Variants in SORBS2 observed in about 807,000 individuals in gnomAD.
The protein encoded by SORBS2 is sorbin and SH3 domain containing 2.
In SORBS2, 46 loss-of-function variants were observed where a neutral mutation model predicts 97.7. The observed-to-expected ratio is 0.47, with a 90% CI of 0.37 to 0.60. The LOEUF (loss-of-function observed/expected upper bound fraction) is 0.60. Ranked by LOEUF, SORBS2 falls within the 20% of genes least tolerant of loss-of-function variation. SORBS2 has a pLI of 0.00. For missense variants in SORBS2, 1,316 were observed against 1,282.3 expected (o/e 1.03, Z -0.40); for synonymous variants, 476 against 473.4 (o/e 1.01, Z -0.07).
chr4:185,794,266 A>G (rs182180974), intron 1 of SORBS2, among the ~76,000 whole-genome samples: 90 of 152,162 alleles, frequency 5.9e-4, no homozygotes, highest in African/African-American at 1.8e-3. Context: ...AGAGATGGAG[A>G]AGGAGGAGGA....
chr4:185,618,427 T>G (rs998894913), intron 9 of SORBS2, among the ~76,000 whole-genome samples, 158 bp downstream of exon 21: 5 of 152,252 alleles, frequency 3.3e-5, no homozygotes, highest in African/African-American at 1.2e-4. Flanking sequence ...AAACTTAAAA[T>G]AAAAGGTAAT....
intron 2 of SORBS2, among the ~76,000 whole-genome samples, chr4:185,757,955 T>C (rs1031696799): frequency 6.6e-6 from 1 of 152,204 alleles, no homozygotes; most frequent in Non-Finnish European, 1.5e-5. Flanking sequence ...CTGATGGAAT[T>C]GAGTGTAAGA....
At chr4:185,728,764 C>T (rs1171549476) in intron 2 of SORBS2, among the ~76,000 whole-genome samples, 3 of 152,134 alleles carry the variant, frequency 2.0e-5, no homozygotes, top group African/African-American at 7.2e-5. Context: ...ATTAAATCGC[C>T]CATTTAGTGT....
chr4:185,774,199 C>CG (rs1208667255), intron 2 of SORBS2: 2 of 152,284 alleles, frequency 1.3e-5, no homozygotes, highest in East Asian at 3.9e-4. Context: ...GCAGCCAGCG[C>CG]GGGGCTCTGT....
intron 1 of SORBS2, among the ~76,000 whole-genome samples, chr4:185,896,412 C>A (rs1363550841): frequency 6.6e-6 from 1 of 152,030 alleles, no homozygotes; most frequent in Non-Finnish European, 1.5e-5. Context: ...GGTGAAACCC[C>A]GTCTCTACTA....
chr4:185,677,298 G>T (rs911150489), intron 4 of SORBS2: 2 of 1,552,094 alleles, frequency 1.3e-6, no homozygotes, highest in African/African-American at 2.7e-5. Context: ...TTTCAAGGTA[G>T]AAATCCTCCG....
At chr4:185,839,434 T>G (rs895713977) in intron 1 of SORBS2, among the ~76,000 whole-genome samples, 4 of 152,202 alleles carry the variant, frequency 2.6e-5, no homozygotes, top group Non-Finnish European at 2.9e-5. Context: ...ACAATGACCC[T>G]GGCCCCAGGG....
intron 1 of SORBS2, among the ~76,000 whole-genome samples, chr4:185,814,280 C>T (rs967423654): frequency 6.6e-6 from 1 of 151,892 alleles, no homozygotes; most frequent in African/African-American, 2.4e-5. Flanking sequence ...ACCTTTATTC[C>T]CAGCACTTTG....
intron 2 of SORBS2, among the ~76,000 whole-genome samples, chr4:185,726,906 G>T (rs887104486): frequency 2.0e-5 from 3 of 152,126 alleles, no homozygotes; most frequent in African/African-American, 4.8e-5. Flanking sequence ...CTTTAAATAG[G>T]AGACACATTT....
intron 1 of SORBS2, among the ~76,000 whole-genome samples, chr4:185,909,878 G>T (rs547389579): frequency 6.6e-6 from 1 of 151,726 alleles, no homozygotes; most frequent in African/African-American, 2.4e-5. Flanking sequence ...CAGCTACTCA[G>T]GAGGATGAGG....
In SORBS2 at chr4:185,665,836, C is replaced by G. The variant is rs1013232157; in HGVS notation, c.-45-3594G>C. On this transcript the variant is annotated intron_variant, in intron 4 of 20. Transcript: ENST00000284776. ...AGAACGGCCAGTGGTGTCAGAGTCA[C>G]CAATCTGCAGCTCCTCCAGCATGGC... 9.6e-6 allele frequency: 11 copies of G among 1,149,614 alleles called. No individual in the cohort carries two copies. In the South Asian group the frequency reaches 1.8e-4, roughly 19 times the overall value. 71.2% of individuals were successfully genotyped at this position (1,149,614 alleles called of 1,614,324 possible).
rs544211866 is a variant in SORBS2, at chr4:185,731,866, CTATA to C, written c.-198+43357_-198+43360del. On this transcript the variant is annotated intron_variant, in intron 2 of 20. Coordinates refer to the SORBS2 transcript ENST00000284776. ...TCTCTCTCTCTCTCTCTCTCTCTCT[CTATA>C]TATATATATATATATATATATATAT... 8.0e-3 allele frequency among the ~76,000 whole-genome samples: 196 copies of C among 24,560 alleles called. 1 individual carries two copies. The highest frequency in any genetic ancestry group is 0.011 in the Admixed American group (17 of 1,484). 16.1% of individuals were successfully genotyped at this position (24,560 alleles called of 152,430 possible). A position where few individuals can be genotyped will look rare whatever the true frequency, so the allele number is the denominator to read the frequency against.
rs1483970990 is a variant in SORBS2 at position 185,820,285 on chromosome 4, G to A, written c.-337-44919C>T. 2.6e-5 allele frequency among the ~76,000 whole-genome samples: 4 copies of A among 152,226 alleles called. No individual in the cohort carries two copies. The East Asian group carries it at 7.7e-4, about 29-fold the overall frequency. On this transcript the variant is annotated intron_variant, in intron 1 of 20. Transcript: ENST00000284776. ...TCGCAGGCTCCCTGCAACCTCACCT[G>A]GACAGCGCGGCGCTGTGTGAACAGC... is the stretch of plus-strand genomic sequence containing the variant.
At chr4:185,803,360 G>T (rs1053661145) in intron 1 of SORBS2, among the ~76,000 whole-genome samples, 1 of 152,066 alleles carries the variant, frequency 6.6e-6, no homozygotes, top group Admixed American at 6.6e-5. Context: ...TTCCTAATTC[G>T]ATCTTCAAAG....
intron 1 of SORBS2, among the ~76,000 whole-genome samples, chr4:185,828,187 C>T (rs1279665879): frequency 6.6e-6 from 1 of 152,264 alleles, no homozygotes; most frequent in Non-Finnish European, 1.5e-5. Flanking sequence ...AGAAAGTAAA[C>T]TTTGATAAAT....
chr4:185,942,723 C>T (rs2099272728), intron 1 of SORBS2, among the ~76,000 whole-genome samples: 2 of 152,182 alleles, frequency 1.3e-5, no homozygotes. Flanking sequence ...CACCTTTGCC[C>T]CTTATTTTAT....
chr4:185,759,348 A>G (rs115150879), intron 2 of SORBS2, among the ~76,000 whole-genome samples: 1,827 of 152,346 alleles, frequency 0.012, 45 homozygotes, highest in African/African-American at 0.042. Context: ...ACCATATGCT[A>G]TCAAGTTCCA....
In SORBS2 at chr4:185,820,092, A is replaced by G. The variant is rs150255546; in HGVS notation, c.-337-44726T>C. On this transcript the variant is annotated intron_variant, in intron 1 of 20. Transcript: ENST00000284776. ...ATTTATGGTGCGGCACTGGGTGGGCACGGACCTCCGGGACCTTCCAATACC... is the reference window on the plus strand; with the variant it reads ...ATTTATGGTGCGGCACTGGGTGGGCGCGGACCTCCGGGACCTTCCAATACC... Among the ~76,000 whole-genome samples the G allele has an allele frequency of 3.7e-3, 560 of 152,332 alleles. 1 individual carries two copies. Among genetic ancestry groups the G allele is most frequent in the African/African-American group, 0.012 (495 of 41,588 alleles).
At chr4:185,861,089 C>T (rs1460945467) in intron 1 of SORBS2, among the ~76,000 whole-genome samples, 1 of 152,100 alleles carries the variant, frequency 6.6e-6, no homozygotes, top group African/African-American at 2.4e-5. Flanking sequence ...TCTTTCAGGG[C>T]CTGCTGTCTA....
Sources: gnomAD v4.1 joint callset for allele counts (sites outside exome capture counted in the v4.1 genomes callset) on GRCh38, gnomAD v4.1.1 for gene constraint, MANE v1.5 for transcripts, NCBI Gene and HGNC (gene_info 2026-07-23, HGNC 2026-07-21) for gene names.